Variants in DSCAM observed in about 807,000 individuals in gnomAD.
DSCAM encodes the protein cell adhesion molecule DSCAM.
Under a neutral mutation model 217.7 loss-of-function variants are expected in DSCAM, and 47 were observed. The observed-to-expected ratio is 0.22, with a 90% CI of 0.17 to 0.28. The LOEUF (loss-of-function observed/expected upper bound fraction) is 0.28. Ranked by LOEUF, DSCAM falls within the 10% of genes least tolerant of loss-of-function variation. The pLI is 1.00. For missense variants in DSCAM, 2,080 were observed against 2,618.3 expected (o/e 0.79, Z 4.49); for synonymous variants, 1,056 against 1,015.3 (o/e 1.04, Z -0.76).
At position 40,187,139 on chromosome 21, in the gene DSCAM, T is replaced by A; in HGVS notation, c.2771A>T (p.Asn924Ile). The A allele has an allele frequency of 6.2e-7, 1 of 1,613,236 alleles. No individual in the cohort carries two copies. Among genetic ancestry groups the A allele is most frequent in the Non-Finnish European group, 8.5e-7 (1 of 1,179,686 alleles). ...PITGYDIECK[N>I]KSDSWDSAQR... ...GGAAGTAAAGAACTTACCTGATTTA[T>A]TTTTGCATTCAATATCGTAGCCTGT... Residue 924 changes from asparagine (N) to isoleucine (I), a missense_variant, in exon 14 of 33, where the codon AAT becomes ATT. Asn to Ile is a moderately radical substitution (Grantham distance 149). This residue lies in a region of DSCAM where 1,144 missense variants were observed against 1,421.1 expected (regional missense o/e 0.81). Transcript: ENST00000400454.
intron 2 of DSCAM, among the ~76,000 whole-genome samples, chr21:40,705,806 GT>G (rs1360792827): frequency 3.9e-5 from 6 of 152,192 alleles, no homozygotes; most frequent in African/African-American, 1.4e-4. Flanking sequence ...CAGGACACTG[GT>G]TTTTGGTTGT....
chr21:40,329,457 T>C (rs1486922582), intron 8 of DSCAM, among the ~76,000 whole-genome samples: 4 of 151,770 alleles, frequency 2.6e-5, no homozygotes, highest in Admixed American at 2.6e-4. Context: ...CCACTAAAAA[T>C]ACAAAAATTA....
intron 1 of DSCAM, among the ~76,000 whole-genome samples, chr21:40,821,083 CATAT>C (rs1012265420): frequency 1.4e-5 from 2 of 147,234 alleles, no homozygotes; most frequent in African/African-American, 5.1e-5. Flanking sequence ...TAGATCTTCA[CATAT>C]ATAGAGAGAT....
At chr21:40,637,210 T>G (rs1388104262) in intron 3 of DSCAM, among the ~76,000 whole-genome samples, 1 of 8,168 alleles carries the variant, frequency 1.2e-4, no homozygotes, top group Non-Finnish European at 1.6e-4. Flanking sequence ...TATATAAATA[T>G]ATATAAATAT....
chr21:40,533,564 T>TCCAA (rs2076468664), intron 3 of DSCAM, among the ~76,000 whole-genome samples: 2 of 147,038 alleles, frequency 1.4e-5, no homozygotes, highest in Non-Finnish European at 3.0e-5. Flanking sequence ...CATTCATCCA[T>TCCAA]CCATCCATCC....
chr21:40,797,208 C>T (rs1168534680), intron 1 of DSCAM, among the ~76,000 whole-genome samples: 1 of 152,156 alleles, frequency 6.6e-6, no homozygotes, highest in Non-Finnish European at 1.5e-5. Context: ...TCTTATCACC[C>T]TTTTGATGAG....
intron 18 of DSCAM, among the ~76,000 whole-genome samples, chr21:40,135,786 T>C (rs2090201908): frequency 6.6e-6 from 1 of 152,272 alleles, no homozygotes; most frequent in Non-Finnish European, 1.5e-5. Context: ...GAACATCTTT[T>C]GTTCATCTTT....
chr21:40,276,068 G>T, intron 11 of DSCAM, 29 bp downstream of exon 11: 1 of 1,532,080 alleles, frequency 6.5e-7, no homozygotes, highest in South Asian at 1.3e-5. Flanking sequence ...ATTTAAACTA[G>T]GTAAAACGAA....
chr21:40,510,996 T>C (rs1246151940), intron 3 of DSCAM, among the ~76,000 whole-genome samples: 2 of 152,212 alleles, frequency 1.3e-5, no homozygotes, highest in African/African-American at 4.8e-5. Flanking sequence ...TCATGTCATG[T>C]TTCTTTTATA....
intron 3 of DSCAM, among the ~76,000 whole-genome samples, chr21:40,617,413 C>T (rs139919912): frequency 1.5e-3 from 234 of 152,230 alleles, no homozygotes; most frequent in African/African-American, 5.3e-3. Context: ...CGTGAGCCAC[C>T]GCGCCCGGCC....
At chr21:40,214,256 T>C (rs938390770) in intron 11 of DSCAM, among the ~76,000 whole-genome samples, 3 of 152,230 alleles carry the variant, frequency 2.0e-5, no homozygotes, top group African/African-American at 7.2e-5. Flanking sequence ...AATGCACTCA[T>C]GGACGTGGGA....
chr21:40,316,537 A>G (rs1298164889), intron 8 of DSCAM, among the ~76,000 whole-genome samples: 3 of 152,212 alleles, frequency 2.0e-5, no homozygotes, highest in African/African-American at 7.2e-5. Flanking sequence ...TTTGAGACAC[A>G]CTGATTACCT....
At chr21:40,362,927 A>G (rs915840906) in intron 4 of DSCAM, among the ~76,000 whole-genome samples, 15 of 152,152 alleles carry the variant, frequency 9.9e-5, no homozygotes, top group African/African-American at 3.4e-4. Context: ...ATGGTTATCA[A>G]TCATGTGCAA....
chr21:40,109,327 G>A (rs998018564), intron 20 of DSCAM, among the ~76,000 whole-genome samples: 1 of 152,164 alleles, frequency 6.6e-6, no homozygotes, highest in South Asian at 2.1e-4. Context: ...CCGATAAAAC[G>A]TGGGCAGAGG....
At chr21:40,195,563 G>A (rs989476441) in intron 11 of DSCAM, among the ~76,000 whole-genome samples, 1 of 152,146 alleles carries the variant, frequency 6.6e-6, no homozygotes, top group Non-Finnish European at 1.5e-5. Context: ...AAACATAGGA[G>A]ATGGCCAACT....
chr21:40,072,404 T>C (rs979127715), intron 27 of DSCAM, among the ~76,000 whole-genome samples: 8 of 149,934 alleles, frequency 5.3e-5, no homozygotes, highest in African/African-American at 1.7e-4. Context: ...TGGAGTGCAG[T>C]GGCGGGATCT....
chr21:40,434,334 G>A (rs901900312), intron 3 of DSCAM, among the ~76,000 whole-genome samples: 4 of 152,220 alleles, frequency 2.6e-5, no homozygotes, highest in Non-Finnish European at 5.9e-5. Context: ...CAACAACGGC[G>A]TCAAACATCA....
chr21:40,053,538 C>T (rs977649376), intron 29 of DSCAM, among the ~76,000 whole-genome samples: 12 of 152,276 alleles, frequency 7.9e-5, no homozygotes, highest in Admixed American at 5.9e-4. Context: ...AAATTTTGGG[C>T]GCCTGTCTGA....
chr21:40,381,570 G>A (rs769559609), intron 3 of DSCAM, among the ~76,000 whole-genome samples: 8 of 152,214 alleles, frequency 5.3e-5, no homozygotes, highest in Non-Finnish European at 8.8e-5. Context: ...TACCTGGTCT[G>A]TGTTAGCAAC....
Sources: gnomAD v4.1 joint callset for allele counts (sites outside exome capture counted in the v4.1 genomes callset) on GRCh38, gnomAD v4.1.1 for gene constraint, gnomAD v4.1.1 regional missense constraint, MANE v1.5 for transcripts, NCBI Gene and HGNC (gene_info 2026-07-23, HGNC 2026-07-21) for gene names.